Variants in EPB41L3 observed in about 807,000 individuals in gnomAD.
The protein encoded by EPB41L3 is band 4.1-like protein 3.
In EPB41L3, 57 loss-of-function variants were observed where a neutral mutation model predicts 127.1. That is an observed-to-expected ratio of 0.45 (90% confidence interval 0.36 to 0.56). The LOEUF is 0.56. EPB41L3 is among the 20% of genes least tolerant of loss of function. The pLI is 0.00. For synonymous variants in EPB41L3, 572 were observed against 549.5 expected (o/e 1.04, Z -0.57); for missense variants, 1,273 against 1,372.2 (o/e 0.93, Z 1.14).
At chr18:5,545,092 T>C (rs2093853952), upstream of EPB41L3, among the ~76,000 whole-genome samples, 2 of 152,138 alleles carry the variant, frequency 1.3e-5, no homozygotes, top group Admixed American at 6.5e-5. Flanking sequence ...CCAACACCCC[T>C]CTACTTGTGG....
chr18:5,465,973 A>C (rs956452415), intron 3 of EPB41L3, among the ~76,000 whole-genome samples: 1 of 46,844 alleles, frequency 2.1e-5, no homozygotes, highest in African/African-American at 1.4e-4. Flanking sequence ...CACCACCAAC[A>C]AAAAAAAAAA....
chr18:5,440,571 A>G (rs532569888), intron 5 of EPB41L3, among the ~76,000 whole-genome samples: 1 of 152,308 alleles, frequency 6.6e-6, no homozygotes, highest in African/African-American at 2.4e-5. Flanking sequence ...CATTAAAATG[A>G]ATATTTCTAT....
At chr18:5,427,445 G>A (rs866421926) in intron 9 of EPB41L3, among the ~76,000 whole-genome samples, 4 of 152,320 alleles carry the variant, frequency 2.6e-5, no homozygotes, top group Middle Eastern at 3.4e-3. Flanking sequence ...CATGGAGGCT[G>A]TTGTCCAAGG....
chr18:5,514,654 C>T lies in EPB41L3; in HGVS notation c.-11-25460G>A, dbSNP rs73381511. On this transcript the variant is annotated intron_variant, in intron 1 of 22. Coordinates refer to ENST00000341928, the MANE Select transcript of EPB41L3 (RefSeq NM_012307.5). ...GAGAAACAATATATTTTCAAATGAACCTCTTATGAAAAATGCTAAGTCTCA... is the reference window on the plus strand; with the variant it reads ...GAGAAACAATATATTTTCAAATGAATCTCTTATGAAAAATGCTAAGTCTCA... Among the ~76,000 whole-genome samples the T allele has an allele frequency of 8.1e-3, 1,233 of 151,992 alleles. 17 individuals are homozygous for T. Among genetic ancestry groups the T allele is most frequent in the African/African-American group, 0.028 (1,172 of 41,514 alleles).
intron 12 of EPB41L3, among the ~76,000 whole-genome samples, chr18:5,419,359 G>C (rs2077196189): frequency 6.6e-6 from 1 of 152,142 alleles, no homozygotes; most frequent in Non-Finnish European, 1.5e-5. Flanking sequence ...TAGGAGAATG[G>C]GGCCAGAAAC....
intron 3 of EPB41L3, among the ~76,000 whole-genome samples, chr18:5,589,683 C>A (rs1291621119): frequency 6.6e-6 from 1 of 152,136 alleles, no homozygotes; most frequent in African/African-American, 2.4e-5. Context: ...TAAATTTTGC[C>A]AATATTTTTA....
At chr18:5,503,961 T>C (rs112980822) in intron 1 of EPB41L3, among the ~76,000 whole-genome samples, 2 of 152,344 alleles carry the variant, frequency 1.3e-5, no homozygotes, top group African/African-American at 4.8e-5. Context: ...TAATCATATG[T>C]GGTAAGGATA....
At chr18:5,620,560 G>C (rs578040417) in intron 1 of EPB41L3, among the ~76,000 whole-genome samples, 2 of 152,222 alleles carry the variant, frequency 1.3e-5, no homozygotes, top group African/African-American at 4.8e-5. Context: ...TAATAGCTAA[G>C]AATAGTACAA....
intron 16 of EPB41L3, among the ~76,000 whole-genome samples, chr18:5,406,387 C>T (rs959384063): frequency 1.3e-5 from 2 of 152,144 alleles, no homozygotes; most frequent in Non-Finnish European, 2.9e-5. Context: ...ATGCTATCAA[C>T]TTCAGGTTAC....
chr18:5,586,513 C>T (rs2094443408), intron 3 of EPB41L3, among the ~76,000 whole-genome samples: 1 of 150,762 alleles, frequency 6.6e-6, no homozygotes, highest in African/African-American at 2.4e-5. Context: ...GATCCTCCTA[C>T]CTTAGCCTCC....
At chr18:5,425,277 G>A (rs1358385711) in intron 9 of EPB41L3, among the ~76,000 whole-genome samples, 1 of 152,166 alleles carries the variant, frequency 6.6e-6, no homozygotes, top group African/African-American at 2.4e-5. Flanking sequence ...CTTGTTTGTT[G>A]AGGATGATTA....
chr18:5,525,099 G>A (rs2093169159), intron 1 of EPB41L3, among the ~76,000 whole-genome samples: 1 of 152,028 alleles, frequency 6.6e-6, no homozygotes, highest in African/African-American at 2.4e-5. Context: ...AATCTAAAAC[G>A]ACAGGCAAAA....
intron 5 of EPB41L3, among the ~76,000 whole-genome samples, chr18:5,440,132 AT>A (rs1377620919): frequency 6.6e-5 from 10 of 152,212 alleles, no homozygotes; most frequent in African/African-American, 2.4e-4. Flanking sequence ...AGAGATTTTT[AT>A]TCCAGAGATT....
In EPB41L3 at chr18:5,591,507, C is replaced by T. The variant is rs1053968547; in HGVS notation, c.-306+20833G>A. ...CTCCACCCTCATGACCTAATTACCT[C>T]GTAAAAGGTCCCATCTTCTAATAGT... On this transcript the variant is annotated intron_variant, in intron 3 of 21. Coordinates refer to the EPB41L3 transcript ENST00000545076. Among the ~76,000 whole-genome samples the T allele has an allele frequency of 2.6e-5, 4 of 152,230 alleles. No homozygotes were observed. In the South Asian group the frequency reaches 8.3e-4, roughly 32 times the overall value.
intron 1 of EPB41L3, among the ~76,000 whole-genome samples, chr18:5,495,005 C>T (rs2091013097): frequency 6.6e-6 from 1 of 152,224 alleles, no homozygotes; most frequent in Admixed American, 6.5e-5. Context: ...AGGCCAAACT[C>T]AGAGACCACA....
intron 11 of EPB41L3, among the ~76,000 whole-genome samples, chr18:5,422,413 A>G (rs1417328156): frequency 1.3e-5 from 2 of 152,196 alleles, no homozygotes; most frequent in Non-Finnish European, 2.9e-5. Context: ...TCAGGGGAAC[A>G]GTGGCAAAAA....
intron 3 of EPB41L3, among the ~76,000 whole-genome samples, chr18:5,469,550 G>A (rs922204721): frequency 6.6e-6 from 1 of 152,168 alleles, no homozygotes; most frequent in African/African-American, 2.4e-5. Context: ...CTTGACAGGT[G>A]TGGGATCTGG....
intron 12 of EPB41L3, among the ~76,000 whole-genome samples, 181 bp from the exon 13 acceptor site, chr18:5,416,559 G>A (rs1034734573): frequency 2.6e-5 from 4 of 152,168 alleles, no homozygotes; most frequent in African/African-American, 7.2e-5. Context: ...CTGTTGCCAC[G>A]AACGGCTACA....
intron 13 of EPB41L3, among the ~76,000 whole-genome samples, chr18:5,414,877 G>A (rs1292150442): frequency 6.6e-6 from 1 of 152,194 alleles, no homozygotes; most frequent in Non-Finnish European, 1.5e-5. Flanking sequence ...AATTGCTCGA[G>A]TCGGGGACAG....
Sources: gnomAD v4.1 joint callset for allele counts (sites outside exome capture counted in the v4.1 genomes callset) on GRCh38, gnomAD v4.1.1 for gene constraint, MANE v1.5 for transcripts, NCBI Gene and HGNC (gene_info 2026-07-23, HGNC 2026-07-21) for gene names.